Variants in VCL observed in about 807,000 individuals in gnomAD.
The protein encoded by VCL is epididymis luminal protein 114.
VCL carries 47 observed loss-of-function variants against 125.7 expected under a neutral mutation model. The observed-to-expected ratio is 0.37, with a 90% CI of 0.30 to 0.48. The LOEUF (loss-of-function observed/expected upper bound fraction) is 0.48. Among genes scored for constraint, VCL ranks in the 20% least tolerant of loss-of-function variants. VCL has a pLI of 0.99. For missense variants in VCL, 1,069 were observed against 1,455.5 expected (o/e 0.73, Z 4.32); for synonymous variants, 458 against 514.6 (o/e 0.89, Z 1.49).
rs4745732 is a variant in VCL, at chr10:74,071,921, C to A, written c.500-809C>A. ...CTCTTAAAATTTCTCATAATACTGG[C>A]GAAAATTATATTTCCCCAAATGGAA... On this transcript the variant is annotated intron_variant, in intron 4 of 21. Coordinates refer to ENST00000211998, the MANE Select transcript of VCL (RefSeq NM_014000.3). The surrounding 1 kb of genome is among the most constrained non-coding windows in gnomAD (Gnocchi z 4.1). Among the ~76,000 whole-genome samples, 1 of 152,000 alleles carries A rather than the reference C, an allele frequency of 6.6e-6. No individual in the cohort carries two copies. Among genetic ancestry groups the A allele is most frequent in the Non-Finnish European group, 1.5e-5 (1 of 68,010 alleles).
intron 2 of VCL, among the ~76,000 whole-genome samples, chr10:74,063,331 G>A (rs956167813): frequency 1.4e-4 from 22 of 152,170 alleles, no homozygotes; most frequent in African/African-American, 4.8e-4. Context: ...AAACTTTGTG[G>A]TTTAAAACAA....
intron 2 of VCL, among the ~76,000 whole-genome samples, chr10:74,051,134 A>G (rs997121669): frequency 3.3e-5 from 5 of 151,344 alleles, no homozygotes; most frequent in Admixed American, 6.6e-5. Context: ...GAGATGGGTT[A>G]CACCATGTTG....
In VCL at chr10:74,116,702, TAATAA is replaced by T. The variant is rs1295424373; in HGVS notation, c.3259-1304_3259-1300del. On this transcript the variant is annotated intron_variant, in intron 21 of 21. Transcript: ENST00000211998. ...ACTCCGTCTCAAAAAAAAAAAATAATAATAAAATAAAATAAAATAAACAACAACAA... is the reference window on the plus strand; with the variant it reads ...ACTCCGTCTCAAAAAAAAAAAATAATAATAAAATAAAATAAACAACAACAA... 4.7e-4 allele frequency among the ~76,000 whole-genome samples: 68 copies of T among 144,400 alleles called. 1 individual carries two copies. The highest frequency in any genetic ancestry group is 1.5e-3 in the African/African-American group (57 of 36,814). The allele number at this position is 144,400 out of a possible 152,430, so 94.7% of individuals were successfully genotyped here.
intron 20 of VCL, 23 bp downstream of exon 20, chr10:74,114,410 TGTGTGTGTGTGTGTGTGTGTGTGTGTGC>T: frequency 2.6e-6 from 1 of 378,054 alleles, no homozygotes; most frequent in Non-Finnish European, 3.4e-6. Flanking sequence ...AGAGGCTGCG[TGTGTGTGTGTGTGTGTGTGTGTGTGTGC>T]GTGTGTGTGT....
intron 2 of VCL, among the ~76,000 whole-genome samples, chr10:74,070,314 T>C (rs56079825): frequency 0.063 from 9,540 of 152,188 alleles, 1,019 homozygotes; most frequent in African/African-American, 0.22. Context: ...ACAAAGGCAT[T>C]GCAGAGATAG....
At chr10:74,064,973 T>C (rs1010023726) in intron 2 of VCL, among the ~76,000 whole-genome samples, 2 of 152,082 alleles carry the variant, frequency 1.3e-5, no homozygotes, top group Non-Finnish European at 2.9e-5. Flanking sequence ...CAATTCATTG[T>C]TAAATAAATC....
Position 73,998,681 on chromosome 10 carries a change from A to G in VCL, c.168+306A>G, listed in dbSNP as rs576814308. On this transcript the variant is annotated intron_variant, in intron 1 of 21. Coordinates refer to ENST00000211998, the MANE Select transcript of VCL (RefSeq NM_014000.3). The stretch of plus-strand genomic sequence containing the variant: ...GTGCCTCGCGCGGCGTGTGGCCCAC[A>G]GCAGACACCCAATAAATGAGAGTTG... 2.6e-5 allele frequency among the ~76,000 whole-genome samples: 4 copies of G among 152,342 alleles called. No individual in the cohort carries two copies. The East Asian group carries it at 7.7e-4, about 29-fold the overall frequency.
chr10:74,069,531 T>C (rs1330123891), intron 2 of VCL, among the ~76,000 whole-genome samples: 1 of 152,226 alleles, frequency 6.6e-6, no homozygotes, highest in African/African-American at 2.4e-5. Context: ...TTTAAACTTG[T>C]GGAGTTTCTG....
chr10:74,086,337 A>G (rs987850070), intron 8 of VCL, among the ~76,000 whole-genome samples: 9 of 152,260 alleles, frequency 5.9e-5, no homozygotes, highest in East Asian at 1.9e-4. Flanking sequence ...TGGAAGCTCC[A>G]GGACTTTCAG....
intron 1 of VCL, chr10:74,027,922 A>C (rs961046830): frequency 6.6e-6 from 1 of 152,246 alleles, no homozygotes; most frequent in Admixed American, 6.5e-5. Flanking sequence ...ACAGACCCTT[A>C]GTCACAAATT....
intron 1 of VCL, among the ~76,000 whole-genome samples, chr10:74,001,797 GTTAC>G (rs1003595596): frequency 1.4e-4 from 21 of 152,148 alleles, no homozygotes; most frequent in Non-Finnish European, 2.8e-4. Context: ...TTTCTTGGGA[GTTAC>G]TTTGGGAGGT....
rs745528944 is a variant in VCL, at chr10:74,109,130, G to T, written c.2719G>T (p.Asp907Tyr). Residue 907 changes from aspartate (D) to tyrosine (Y), a missense_variant, in exon 18 of 22, where the codon GAT becomes TAT. This residue lies in a region of VCL where 28 missense variants were observed against 65.1 expected (regional missense o/e 0.43). Coordinates refer to ENST00000211998, the MANE Select transcript of VCL (RefSeq NM_014000.3). ...GATGATGGCTGCCAGACAGCTCCATGATGAAGCTCGCAAATGGTCCAGCAA... is the reference window on the plus strand; with the variant it reads ...GATGATGGCTGCCAGACAGCTCCATTATGAAGCTCGCAAATGGTCCAGCAA... Reference protein sequence around the residue: ...PMMMAARQLHDEARKWSSKPG... With the variant: ...PMMMAARQLHYEARKWSSKPG... 6.2e-7 allele frequency: 1 copy of T among 1,614,122 alleles called. No individual in the cohort carries two copies. Among genetic ancestry groups the T allele is most frequent in the Admixed American group, 1.7e-5 (1 of 60,018 alleles).
chr10:74,010,551 A>G (rs1840414762), intron 1 of VCL, among the ~76,000 whole-genome samples: 1 of 151,718 alleles, frequency 6.6e-6, no homozygotes, highest in Non-Finnish European at 1.5e-5. Flanking sequence ...GATTTGCATC[A>G]TTTTTTCTTG....
intron 1 of VCL, among the ~76,000 whole-genome samples, chr10:74,029,745 C>G (rs1840839618): frequency 6.6e-6 from 1 of 152,012 alleles, no homozygotes; most frequent in Admixed American, 6.6e-5. Flanking sequence ...AAAATTTTGA[C>G]CTTTAGGCCC....
At chr10:74,067,127 G>GA (rs1042245004) in intron 2 of VCL, among the ~76,000 whole-genome samples, 7 of 151,952 alleles carry the variant, frequency 4.6e-5, no homozygotes, top group African/African-American at 1.7e-4. Flanking sequence ...TACAGACTGG[G>GA]AAAAAAACAT....
chr10:74,038,283 T>C (rs899970079), intron 1 of VCL, among the ~76,000 whole-genome samples: 5 of 152,270 alleles, frequency 3.3e-5, no homozygotes, highest in Admixed American at 6.5e-5. Context: ...AGGCATGAGC[T>C]ATTGCACCTG....
chr10:74,072,400 T>C (rs1841675047), intron 4 of VCL, among the ~76,000 whole-genome samples: 1 of 152,206 alleles, frequency 6.6e-6, no homozygotes, highest in Admixed American at 6.5e-5. Context: ...GAAACCTGTA[T>C]GCATAGAAGC....
intron 18 of VCL, 136 bp from the exon 19 acceptor site, chr10:74,111,773 A>C (rs1313829070): frequency 8.6e-7 from 1 of 1,160,816 alleles, no homozygotes; most frequent in Non-Finnish European, 1.2e-6. Context: ...CTTGGTACAC[A>C]AGGCTCCTAG....
At position 74,094,267 on chromosome 10, in the gene VCL, G is replaced by T. The variant is rs2131914324; in HGVS notation, c.1353-4G>T. 4 of 1,614,088 alleles carry T rather than the reference G, an allele frequency of 2.5e-6. No individual in the cohort carries two copies. The highest frequency in any genetic ancestry group is 3.4e-6 in the Non-Finnish European group (4 of 1,180,042). On this transcript the variant is annotated splice_polypyrimidine_tract_variant and splice_region_variant and intron_variant, in intron 10 of 21. Coordinates refer to ENST00000211998, the MANE Select transcript of VCL (RefSeq NM_014000.3). ...TGACAGGATGGCTGTCTTTTTCTCT[G>T]TAGGGGGAAAGGAGATTCTCCAGAG...
Sources: gnomAD v4.1 joint callset for allele counts (sites outside exome capture counted in the v4.1 genomes callset) on GRCh38, gnomAD v4.1.1 for gene constraint, gnomAD v4.1.1 regional missense constraint, Gnocchi (gnomAD v3.1) non-coding constraint, MANE v1.5 for transcripts, NCBI Gene and HGNC (gene_info 2026-07-23, HGNC 2026-07-21) for gene names.